The following MDGA2 variants were observed in gnomAD, a reference collection of about 807,000 sequenced individuals.
MDGA2 encodes the protein MAM domain containing glycosylphosphatidylinositol anchor 2, also known as MAM domain-containing glycosylphosphatidylinositol anchor protein 2.
MDGA2 carries 40 observed loss-of-function variants against 117.8 expected under a neutral mutation model. The observed-to-expected ratio is 0.34, with a 90% CI of 0.26 to 0.44. The LOEUF (loss-of-function observed/expected upper bound fraction) is 0.44. Among genes scored for constraint, MDGA2 ranks in the 20% least tolerant of loss-of-function variants. The probability of loss-of-function intolerance (pLI) is 1.00; values close to 1 mark genes in which losing one functional copy is unlikely to be tolerated. For synonymous variants in MDGA2, 452 were observed against 439.0 expected (o/e 1.03, Z -0.37); for missense variants, 1,123 against 1,250.6 (o/e 0.90, Z 1.54).
chr14:47,129,470 T>A (rs1448376900), intron 5 of MDGA2, among the ~76,000 whole-genome samples: 10 of 151,630 alleles, frequency 6.6e-5, no homozygotes, highest in African/African-American at 2.4e-4. Flanking sequence ...ATGTGCCACA[T>A]TTTCTTAATC....
At chr14:47,566,018 A>G (rs1235906657) in intron 1 of MDGA2, among the ~76,000 whole-genome samples, 2 of 152,208 alleles carry the variant, frequency 1.3e-5, no homozygotes, top group African/African-American at 4.8e-5. Context: ...GTGCACTCAC[A>G]ACAGCAGCAA....
At chr14:47,437,301 G>A (rs779855940) in intron 1 of MDGA2, among the ~76,000 whole-genome samples, 2 of 152,022 alleles carry the variant, frequency 1.3e-5, no homozygotes, top group African/African-American at 4.8e-5. Context: ...AGATGATAAG[G>A]CTCCCTACTA....
At chr14:47,647,883 A>G (rs1047276439) in intron 1 of MDGA2, among the ~76,000 whole-genome samples, 19 of 152,266 alleles carry the variant, frequency 1.2e-4, no homozygotes, top group African/African-American at 4.6e-4. Context: ...TTTTGAAAAG[A>G]CAAACATTTA....
chr14:47,350,637 C>CA (rs1433034794), intron 1 of MDGA2, among the ~76,000 whole-genome samples: 2 of 152,120 alleles, frequency 1.3e-5, no homozygotes, highest in Non-Finnish European at 2.9e-5. Context: ...AGCCTTCATT[C>CA]AAAAAACTTC....
intron 1 of MDGA2, among the ~76,000 whole-genome samples, chr14:47,431,408 T>A (rs943507702): frequency 6.6e-6 from 1 of 152,050 alleles, no homozygotes; most frequent in African/African-American, 2.4e-5. Flanking sequence ...AATAAAATTA[T>A]GATATTCATG....
At position 47,013,714 on chromosome 14, in the gene MDGA2, G is replaced by C. The variant is rs547517242; in HGVS notation, c.1819+21297C>G. Among the ~76,000 whole-genome samples the C allele has an allele frequency of 1.2e-4, 18 of 145,016 alleles. No homozygotes were observed. In the East Asian group the frequency reaches 3.5e-3, roughly 28 times the overall value. On this transcript the variant is annotated intron_variant, in intron 8 of 16. Coordinates refer to ENST00000399232, the MANE Select transcript of MDGA2 (RefSeq NM_001113498.3). ...AGACTTAAAGTCAAAATCACTCCTGGATTCATGGGCTGCGGAATGGATGTT... is the reference window on the plus strand; with the variant it reads ...AGACTTAAAGTCAAAATCACTCCTGCATTCATGGGCTGCGGAATGGATGTT...
At chr14:47,332,866 T>C (rs2139917396) in intron 1 of MDGA2, among the ~76,000 whole-genome samples, 2 of 152,096 alleles carry the variant, frequency 1.3e-5, no homozygotes, top group African/African-American at 4.8e-5. Context: ...TGTCCATGTG[T>C]ACACATTATT....
chr14:47,540,540 G>GTGTGTGTGTATATA, intron 1 of MDGA2, among the ~76,000 whole-genome samples: 26 of 79,202 alleles, frequency 3.3e-4, no homozygotes, highest in African/African-American at 9.4e-4. Context: ...GTGTGTGTGT[G>GTGTGTGTGTATATA]TATATATATA....
At chr14:47,097,199 G>A (rs1880025602) in intron 5 of MDGA2, 76 bp from the exon 6 acceptor site, 3 of 1,469,470 alleles carry the variant, frequency 2.0e-6, no homozygotes, top group South Asian at 1.3e-5. Flanking sequence ...GCATTATATT[G>A]GTTCATTCAA....
At chr14:47,318,916 C>T (rs1005131297) in intron 1 of MDGA2, among the ~76,000 whole-genome samples, 12 of 152,112 alleles carry the variant, frequency 7.9e-5, no homozygotes, top group African/African-American at 2.7e-4. Flanking sequence ...TTTCTAAATT[C>T]TATCTTTTCC....
At chr14:47,346,514 C>T (rs1268523013) in intron 1 of MDGA2, among the ~76,000 whole-genome samples, 1 of 152,144 alleles carries the variant, frequency 6.6e-6, no homozygotes, top group Admixed American at 6.5e-5. Context: ...TCTTTCTGAC[C>T]TTGGACAAAT....
At chr14:47,298,013 T>C (rs1889137813) in intron 2 of MDGA2, among the ~76,000 whole-genome samples, 1 of 152,196 alleles carries the variant, frequency 6.6e-6, no homozygotes, top group Non-Finnish European at 1.5e-5. Flanking sequence ...TATATGAATA[T>C]GTGTATATAT....
At chr14:47,320,577 TCTC>T (rs991578197) in intron 1 of MDGA2, among the ~76,000 whole-genome samples, 3 of 152,080 alleles carry the variant, frequency 2.0e-5, no homozygotes, top group Non-Finnish European at 2.9e-5. Context: ...AATATTTTTC[TCTC>T]CTCTTTTCCT....
intron 9 of MDGA2, among the ~76,000 whole-genome samples, chr14:46,922,140 T>C (rs1445021652): frequency 6.6e-6 from 1 of 151,808 alleles, no homozygotes; most frequent in Non-Finnish European, 1.5e-5. Context: ...TTGAAATAGA[T>C]CACAGAAAAA....
chr14:47,661,021 T>C lies in MDGA2; in HGVS notation c.280+13496A>G, dbSNP rs72673228. On this transcript the variant is annotated intron_variant, in intron 1 of 16. Coordinates refer to ENST00000399232, the MANE Select transcript of MDGA2 (RefSeq NM_001113498.3). ...AGTGCTGACATTAGCTACCTACATA[T>C]ACTTCGCATGTGACAAGCTAAAATG... 8.1e-3 allele frequency among the ~76,000 whole-genome samples: 1,237 copies of C among 152,300 alleles called. 8 individuals carry two copies. The highest frequency in any genetic ancestry group is 0.013 in the Non-Finnish European group (877 of 68,018).
chr14:47,375,892 G>A (rs1891467277), intron 1 of MDGA2, among the ~76,000 whole-genome samples: 1 of 152,026 alleles, frequency 6.6e-6, no homozygotes. Context: ...AAAGAACCTG[G>A]CCCACAGTGG....
chr14:47,645,407 T>C (rs1897509102), intron 1 of MDGA2, among the ~76,000 whole-genome samples: 1 of 151,974 alleles, frequency 6.6e-6, no homozygotes, highest in South Asian at 2.1e-4. Context: ...CTAATTTTTT[T>C]GTATTTTTAT....
intron 2 of MDGA2, among the ~76,000 whole-genome samples, chr14:47,226,251 AAAT>A (rs1484472495): frequency 6.6e-6 from 1 of 151,404 alleles, no homozygotes; most frequent in African/African-American, 2.4e-5. Context: ...ATAAATAAAT[AAAT>A]AAATAAATGG....
chr14:47,479,353 C>CT (rs777779771), intron 1 of MDGA2, among the ~76,000 whole-genome samples: 46 of 151,014 alleles, frequency 3.0e-4, no homozygotes, highest in Non-Finnish European at 6.5e-4. Flanking sequence ...CTTGCCTCCT[C>CT]TTGGCATCTA....
Sources: gnomAD v4.1 joint callset for allele counts (sites outside exome capture counted in the v4.1 genomes callset) on GRCh38, gnomAD v4.1.1 for gene constraint, MANE v1.5 for transcripts, NCBI Gene and HGNC (gene_info 2026-07-23, HGNC 2026-07-21) for gene names.